Variants in PDZRN3 observed in about 807,000 individuals in gnomAD.
The protein encoded by PDZRN3 is PDZ domain containing ring finger 3.
In PDZRN3, 38 loss-of-function variants were observed where a neutral mutation model predicts 85.7. The ratio of observed to expected loss-of-function variants is 0.44; its 90% confidence interval spans 0.34 to 0.58. PDZRN3 has a LOEUF of 0.58. Ranked by LOEUF, PDZRN3 falls within the 20% of genes least tolerant of loss-of-function variation. The probability of loss-of-function intolerance (pLI) is 0.01; values close to 1 mark genes in which losing one functional copy is unlikely to be tolerated. For missense variants in PDZRN3, 1,629 were observed against 1,506.4 expected, an observed-to-expected ratio of 1.08 and a Z score of -1.35; for synonymous variants, 759 against 638.0, an observed-to-expected ratio of 1.19 and a Z score of -2.86.
At position 73,624,712 on chromosome 3, in the gene PDZRN3, G is replaced by A; in HGVS notation, c.114C>T (p.Cys38=). 2 of 1,529,636 alleles carry A rather than the reference G, an allele frequency of 1.3e-6. No homozygotes were observed. The highest frequency in any genetic ancestry group is 1.7e-6 in the Non-Finnish European group (2 of 1,145,636). The allele number at this position is 1,529,636 out of a possible 1,614,324, so 94.8% of individuals were successfully genotyped here. The change falls in exon 1 of 10, where the codon TGC becomes TGT. Residue 38 remains cysteine, a synonymous_variant. Transcript: ENST00000263666. ...PLTTPCGHVF[C]AGCVLPWVVQ... is the part of the protein sequence containing the mutation. ...CCACCCAGGGCAGCACGCAGCCGGC[G>A]CAGAAGACGTGGCCGCACGGCGTGG...
chr3:73,597,165 G>A (rs1341221440), intron 3 of PDZRN3, among the ~76,000 whole-genome samples: 1 of 151,984 alleles, frequency 6.6e-6, no homozygotes, highest in Non-Finnish European at 1.5e-5. Context: ...AACTTTAGTG[G>A]GTCTCAGAAC....
chr3:73,415,959 G>C (rs1396150574), intron 3 of PDZRN3, among the ~76,000 whole-genome samples: 2 of 140,012 alleles, frequency 1.4e-5, no homozygotes, highest in African/African-American at 2.6e-5. Context: ...TGCCAAGAGA[G>C]TAGATTTTTA....
chr3:73,481,504 A>C (rs995314539), intron 3 of PDZRN3, among the ~76,000 whole-genome samples: 10 of 152,062 alleles, frequency 6.6e-5, no homozygotes, highest in African/African-American at 2.4e-4. Context: ...CTAATTTTGT[A>C]TTTTTAGTAG....
chr3:73,612,325 G>A (rs1702697360), intron 1 of PDZRN3, among the ~76,000 whole-genome samples: 2 of 152,150 alleles, frequency 1.3e-5, no homozygotes, highest in Admixed American at 6.5e-5. Context: ...TGGTGCCTAC[G>A]ATCTTTGTAC....
intron 3 of PDZRN3, among the ~76,000 whole-genome samples, chr3:73,526,638 T>G (rs1337375081): frequency 6.6e-6 from 1 of 152,204 alleles, no homozygotes; most frequent in East Asian, 1.9e-4. Flanking sequence ...AATGTGCATA[T>G]TCTCTAGTCC....
At chr3:73,610,117 A>T (rs1237826756) in intron 1 of PDZRN3, among the ~76,000 whole-genome samples, 2 of 152,218 alleles carry the variant, frequency 1.3e-5, no homozygotes, top group Non-Finnish European at 2.9e-5. Flanking sequence ...CCTCAACATC[A>T]ATTAGAAATA....
chr3:73,430,897 C>G (rs1446088628), intron 3 of PDZRN3, among the ~76,000 whole-genome samples: 3 of 152,182 alleles, frequency 2.0e-5, no homozygotes, highest in African/African-American at 7.2e-5. Flanking sequence ...CTTCTGAGTA[C>G]TCAAAGGTAC....
chr3:73,433,839 G>C (rs1702479897), intron 3 of PDZRN3: 1 of 1,453,292 alleles, frequency 6.9e-7, no homozygotes, highest in African/African-American at 1.4e-5. Context: ...GCTTCACATT[G>C]GCGCTGCTCT....
chr3:73,403,770 C>T (rs1701799677), intron 4 of PDZRN3, among the ~76,000 whole-genome samples: 1 of 152,202 alleles, frequency 6.6e-6, no homozygotes, highest in African/African-American at 2.4e-5. Flanking sequence ...CTCCAGGGCT[C>T]TCTTGACACA....
chr3:73,497,737 G>T (rs1159285127), intron 3 of PDZRN3, among the ~76,000 whole-genome samples: 1 of 152,136 alleles, frequency 6.6e-6, no homozygotes, highest in Admixed American at 6.5e-5. Context: ...CAACAGATTT[G>T]TCTCCATATA....
chr3:73,420,439 A>T (rs1300361936), intron 3 of PDZRN3, among the ~76,000 whole-genome samples: 3 of 152,164 alleles, frequency 2.0e-5, no homozygotes, highest in Admixed American at 2.0e-4. Context: ...TCCAATAAAT[A>T]CCCTACTGAA....
chr3:73,612,513 T>G lies in PDZRN3; in HGVS notation c.724-3829A>C, dbSNP rs915788445. Among the ~76,000 whole-genome samples the G allele has an allele frequency of 2.2e-4, 34 of 152,242 alleles. 1 individual carries two copies. The highest frequency in any genetic ancestry group is 7.5e-4 in the African/African-American group (31 of 41,460). Reference sequence around the variant, plus strand: ...GTCTATTATACCCTGAAAAGTATAATAAGACTATTATGCCATGACAGGAGC... The same window carrying G: ...GTCTATTATACCCTGAAAAGTATAAGAAGACTATTATGCCATGACAGGAGC... On this transcript the variant is annotated intron_variant, in intron 1 of 9. Transcript: ENST00000263666.
At chr3:73,538,889 T>A (rs1382021983) in intron 3 of PDZRN3, among the ~76,000 whole-genome samples, 2 of 152,190 alleles carry the variant, frequency 1.3e-5, no homozygotes, top group Non-Finnish European at 2.9e-5. Flanking sequence ...AGGCTCACTG[T>A]GTTTCTTTAA....
chr3:73,512,148 T>C (rs1242728876), intron 3 of PDZRN3, among the ~76,000 whole-genome samples: 1 of 152,224 alleles, frequency 6.6e-6, no homozygotes, highest in African/African-American at 2.4e-5. Context: ...GTGAGTGCTT[T>C]CAGTTGCTCT....
At chr3:73,585,091 C>T (rs1210081791) in intron 3 of PDZRN3, among the ~76,000 whole-genome samples, 1 of 152,116 alleles carries the variant, frequency 6.6e-6, no homozygotes, top group African/African-American at 2.4e-5. Flanking sequence ...AAGCAGATGC[C>T]CCACTAACTC....
intron 3 of PDZRN3, among the ~76,000 whole-genome samples, chr3:73,448,943 T>C (rs1346247227): frequency 6.6e-6 from 1 of 152,212 alleles, no homozygotes; most frequent in Admixed American, 6.5e-5. Context: ...AAACCTTCTA[T>C]TTCTCACTGC....
Position 73,501,934 on chromosome 3 carries a change from T to A in PDZRN3, c.919-97539A>T, listed in dbSNP as rs147916080. Among the ~76,000 whole-genome samples, 524 of 152,320 alleles carry A rather than the reference T, an allele frequency of 3.4e-3. 1 individual carries two copies. The highest frequency in any genetic ancestry group is 5.8e-3 in the Non-Finnish European group (392 of 68,024). ...AGGAGGCTGAGGCAGGAGAATCGCT[T>A]GAACCTGGGAGGCGGAGATGCAGTG... is the stretch of plus-strand genomic sequence containing the variant. On this transcript the variant is annotated intron_variant, in intron 3 of 9. Coordinates refer to ENST00000263666, the MANE Select transcript of PDZRN3 (RefSeq NM_015009.3).
intron 4 of PDZRN3, 25 bp from the exon 5 acceptor site, chr3:73,401,034 C>G (rs763593238): frequency 1.3e-6 from 2 of 1,521,706 alleles, no homozygotes; most frequent in East Asian, 4.5e-5. Flanking sequence ...AACATCTTTA[C>G]AGCCCTTCTT....
At chr3:73,577,588 A>G (rs1189986641) in intron 3 of PDZRN3, among the ~76,000 whole-genome samples, 1 of 152,064 alleles carries the variant, frequency 6.6e-6, no homozygotes, top group Non-Finnish European at 1.5e-5. Context: ...GCAGAGGAAA[A>G]CCAAGGGAGA....
Sources: allele counts gnomAD v4.1 joint callset (sites outside exome capture counted in the v4.1 genomes callset), GRCh38; gene constraint gnomAD v4.1.1; transcripts MANE v1.5; gene names NCBI Gene and HGNC (gene_info 2026-07-23, HGNC 2026-07-21).